The following WWOX variants were observed in gnomAD, a reference collection of about 807,000 sequenced individuals.
The protein encoded by WWOX is WW domain-containing oxidoreductase.
A neutral mutation model predicts 46.2 loss-of-function variants in WWOX; 69 were observed. The ratio of observed to expected loss-of-function variants is 1.49; its 90% CI spans 1.23 to 1.82. The LOEUF is 1.82. WWOX is among the 40% of genes most tolerant of loss of function. WWOX has a pLI of 0.00. For missense variants in WWOX, 919 were observed against 542.6 expected, an observed-to-expected ratio of 1.69 and a Z score of -6.89; for synonymous variants, 359 against 202.6, an observed-to-expected ratio of 1.77 and a Z score of -6.56.
chr16:78,784,255 C>G (rs2050401258), intron 8 of WWOX, among the ~76,000 whole-genome samples: 1 of 152,084 alleles, frequency 6.6e-6, no homozygotes, highest in Non-Finnish European at 1.5e-5. Flanking sequence ...GAAACCTTGG[C>G]TTAGAAGGGA....
intron 8 of WWOX, among the ~76,000 whole-genome samples, chr16:78,862,740 C>G (rs1350727580): frequency 2.0e-5 from 3 of 152,102 alleles, no homozygotes; most frequent in Non-Finnish European, 4.4e-5. Flanking sequence ...AATTCTTTCT[C>G]ACTCAGCCTT....
At chr16:78,299,859 C>T (rs986745873) in intron 5 of WWOX, among the ~76,000 whole-genome samples, 2 of 152,054 alleles carry the variant, frequency 1.3e-5, no homozygotes, top group African/African-American at 4.8e-5. Flanking sequence ...AGCAGGACAT[C>T]AAAGTTGAGA....
At chr16:78,717,355 A>C (rs1345327238) in intron 8 of WWOX, among the ~76,000 whole-genome samples, 1 of 152,230 alleles carries the variant, frequency 6.6e-6, no homozygotes, top group Non-Finnish European at 1.5e-5. Context: ...AATTGAAATA[A>C]TGTAATACAA....
intron 8 of WWOX, among the ~76,000 whole-genome samples, chr16:78,888,975 C>T (rs1396858224): frequency 6.6e-6 from 1 of 152,034 alleles, no homozygotes; most frequent in African/African-American, 2.4e-5. Flanking sequence ...TAGAAAGCTT[C>T]CCTGGTCAGT....
chr16:78,169,469 C>T (rs1345977051), intron 5 of WWOX, among the ~76,000 whole-genome samples: 1 of 79,462 alleles, frequency 1.3e-5, no homozygotes, highest in Non-Finnish European at 2.7e-5. Flanking sequence ...ATCTCAGGAC[C>T]TCTGAGATCT....
chr16:78,665,301 T>G (rs757648399), intron 8 of WWOX, among the ~76,000 whole-genome samples: 1 of 152,210 alleles, frequency 6.6e-6, no homozygotes, highest in Non-Finnish European at 1.5e-5. Flanking sequence ...TTTTCAGTTA[T>G]GCATGACACT....
At chr16:78,996,369 T>TGCGGGGGGG in intron 8 of WWOX, 1 of 879,322 alleles carries the variant, frequency 1.1e-6, no homozygotes, top group Non-Finnish European at 1.3e-6. Context: ...GAGTGAATTC[T>TGCGGGGGGG]GCACCCACCC....
At chr16:78,454,315 T>A (rs928339277) in intron 8 of WWOX, among the ~76,000 whole-genome samples, 1 of 151,938 alleles carries the variant, frequency 6.6e-6, no homozygotes, top group Non-Finnish European at 1.5e-5. Context: ...ACTATCTAAG[T>A]TTTTTCTGTT....
chr16:78,697,039 C>T (rs1012078912), intron 8 of WWOX, among the ~76,000 whole-genome samples: 3 of 152,052 alleles, frequency 2.0e-5, no homozygotes, highest in Non-Finnish European at 2.9e-5. Context: ...ATATTTATAC[C>T]GTAGTTTCTT....
intron 8 of WWOX, among the ~76,000 whole-genome samples, chr16:78,483,722 T>C (rs1009998247): frequency 6.6e-6 from 1 of 152,174 alleles, no homozygotes; most frequent in East Asian, 1.9e-4. Context: ...TAATTCTTTT[T>C]TTCAAATGCA....
intron 8 of WWOX, among the ~76,000 whole-genome samples, chr16:79,070,381 C>T (rs1020707293): frequency 1.3e-5 from 2 of 151,954 alleles, no homozygotes; most frequent in Admixed American, 1.3e-4. Flanking sequence ...TTAAAGTGTC[C>T]TCCAGCAAAA....
intron 8 of WWOX, among the ~76,000 whole-genome samples, chr16:79,029,215 C>G (rs1288209414): frequency 6.6e-6 from 1 of 152,092 alleles, no homozygotes; most frequent in African/African-American, 2.4e-5. Context: ...AGACCTTTGC[C>G]CCACCCCGTC....
At chr16:78,549,519 T>G (rs1387115795) in intron 8 of WWOX, among the ~76,000 whole-genome samples, 1 of 152,196 alleles carries the variant, frequency 6.6e-6, no homozygotes, top group Admixed American at 6.5e-5. Context: ...CTATCTCGAC[T>G]TCTGTGTGTC....
At chr16:78,631,540 C>G (rs369784553) in intron 8 of WWOX, among the ~76,000 whole-genome samples, 1 of 138,946 alleles carries the variant, frequency 7.2e-6, no homozygotes, top group South Asian at 2.3e-4. Flanking sequence ...TTAAAATATT[C>G]TTTTTTTTTT....
At chr16:78,395,114 G>T (rs1189465728) in intron 6 of WWOX, among the ~76,000 whole-genome samples, 1 of 152,152 alleles carries the variant, frequency 6.6e-6, no homozygotes, top group Non-Finnish European at 1.5e-5. Context: ...TCTTAGAAAG[G>T]TTTCTGAGAA....
At chr16:78,111,001 C>G (rs1465788636) in intron 3 of WWOX, among the ~76,000 whole-genome samples, 2 of 151,584 alleles carry the variant, frequency 1.3e-5, no homozygotes, top group Non-Finnish European at 2.9e-5. Flanking sequence ...TTGATTTGAG[C>G]AGGAATTTTT....
intron 8 of WWOX, among the ~76,000 whole-genome samples, chr16:78,941,353 A>T (rs1197101360): frequency 6.6e-6 from 1 of 152,098 alleles, no homozygotes; most frequent in African/African-American, 2.4e-5. Flanking sequence ...TGTTTATCCA[A>T]GTTTCCCCGC....
At chr16:78,236,537 C>T (rs943075086) in intron 5 of WWOX, among the ~76,000 whole-genome samples, 7 of 152,134 alleles carry the variant, frequency 4.6e-5, no homozygotes, top group African/African-American at 1.7e-4. Context: ...GTAGTTTACT[C>T]GTACGAACTT....
intron 8 of WWOX, among the ~76,000 whole-genome samples, chr16:78,834,700 C>G (rs1034710140): frequency 6.6e-6 from 1 of 151,996 alleles, no homozygotes; most frequent in South Asian, 2.1e-4. Context: ...TTGTATATTG[C>G]AGAGATAATT....
Sources: gnomAD v4.1 joint callset for allele counts (sites outside exome capture counted in the v4.1 genomes callset) on GRCh38, gnomAD v4.1.1 for gene constraint, MANE v1.5 for transcripts, NCBI Gene and HGNC (gene_info 2026-07-23, HGNC 2026-07-21) for gene names.